Variants in TTC13 observed in about 807,000 individuals in gnomAD.
TTC13 encodes the protein tetratricopeptide repeat domain 13, also known as tetratricopeptide repeat protein 13.
TTC13 carries 62 observed loss-of-function variants against 120.0 expected under a neutral mutation model. The observed-to-expected ratio is 0.52, with a 90% CI of 0.42 to 0.64. TTC13 has a LOEUF of 0.64. TTC13 is among the 30% of genes least tolerant of loss of function. TTC13 has a pLI of 0.00. For missense variants in TTC13, 824 were observed against 1,050.2 expected, an observed-to-expected ratio of 0.78 and a Z score of 2.98; for synonymous variants, 384 against 393.5, an observed-to-expected ratio of 0.98 and a Z score of 0.28.
intron 1 of TTC13, among the ~76,000 whole-genome samples, chr1:230,973,164 T>G (rs1314137169): frequency 6.6e-6 from 1 of 152,206 alleles, no homozygotes; most frequent in African/African-American, 2.4e-5. Flanking sequence ...GAGCACAAAA[T>G]GTGGTTCTTA....
intron 1 of TTC13, among the ~76,000 whole-genome samples, chr1:230,962,781 C>T (rs956048370): frequency 6.6e-6 from 1 of 152,184 alleles, no homozygotes; most frequent in African/African-American, 2.4e-5. Context: ...CTGATACACA[C>T]TGCAACGTGG....
At chr1:230,911,598 A>G (rs1671513088) in intron 19 of TTC13, 49 bp from the exon 20 acceptor site, 1 of 1,239,280 alleles carries the variant, frequency 8.1e-7, no homozygotes, top group Non-Finnish European at 1.1e-6. Flanking sequence ...ATTACAAACT[A>G]ATTTTTCATT....
At chr1:230,957,782 C>G (rs965274276) in intron 3 of TTC13, among the ~76,000 whole-genome samples, 2 of 151,956 alleles carry the variant, frequency 1.3e-5, no homozygotes, top group African/African-American at 4.8e-5. Flanking sequence ...AATTTTTCTA[C>G]ACCCACATTC....
At chr1:230,922,415 T>C (rs1200738012) in intron 15 of TTC13, among the ~76,000 whole-genome samples, 1 of 152,198 alleles carries the variant, frequency 6.6e-6, no homozygotes, top group Non-Finnish European at 1.5e-5. Flanking sequence ...CCAATCTATT[T>C]TGCCATCTTC....
intron 16 of TTC13, 59 bp downstream of exon 16, chr1:230,921,362 A>G (rs1411228744): frequency 2.1e-5 from 22 of 1,051,458 alleles, no homozygotes; most frequent in Non-Finnish European, 2.8e-5. Context: ...CAAAAATATA[A>G]CAAATATAAA....
At chr1:230,956,507 C>T in intron 3 of TTC13, 1 of 358,140 alleles carries the variant, frequency 2.8e-6, no homozygotes, top group Non-Finnish European at 5.3e-6. Flanking sequence ...CTTAAAGTTT[C>T]CTTTCAAATC....
chr1:230,950,255 T>C (rs1351817306), intron 4 of TTC13, among the ~76,000 whole-genome samples: 13 of 151,938 alleles, frequency 8.6e-5, no homozygotes, highest in Admixed American at 8.5e-4. Context: ...TATTTATACT[T>C]TATAAAGTTT....
chr1:230,911,537 C>A lies in TTC13; in HGVS notation c.2242G>T (p.Val748Phe). Residue 748 changes from valine to phenylalanine, a missense_variant, in exon 20 of 23, where the codon GTC (valine) becomes TTC (phenylalanine). Val to Phe is a conservative substitution (Grantham distance 50, BLOSUM62 -1). This residue lies in a region of TTC13 where 226 missense variants were observed against 259.1 expected (regional missense o/e 0.87). Coordinates refer to ENST00000366661, the MANE Select transcript of TTC13 (RefSeq NM_024525.5). ...LSSEFGEADA[V>F]CNLILSLVYY... ...ACTAAGGATAAGATTAAGTTGCAGA[C>A]AGCATCAGCCTCCTAGAAAAAAAAG... 6.3e-7 allele frequency: 1 copy of A among 1,586,504 alleles called. No homozygotes were observed. The highest frequency in any genetic ancestry group is 2.3e-5 in the East Asian group (1 of 43,842).
Position 230,912,743 on chromosome 1 carries a change from T to C in TTC13, c.2109A>G (p.Leu703=), listed in dbSNP as rs1442267017. ...CCGTGGTTTGAGTTTCCACAGAAAA[T>C]AATATATTGCCAACTCTGAAAATAC... The part of the protein sequence containing the change: ...TITGDKVGNI[L]FSVETQTTEE... Residue 703 remains leucine (L), a synonymous_variant, in exon 19 of 23, where the codon TTA becomes TTG. Coordinates refer to ENST00000366661, the MANE Select transcript of TTC13 (RefSeq NM_024525.5). 2 of 1,611,218 alleles carry C rather than the reference T, an allele frequency of 1.2e-6. No individual in the cohort carries two copies. The highest frequency in any genetic ancestry group is 1.7e-5 in the Admixed American group (1 of 59,562).
chr1:230,925,040 G>A lies in TTC13; in HGVS notation c.1589-67C>T, dbSNP rs1672937176. 15 of 1,584,980 alleles carry A rather than the reference G, an allele frequency of 9.5e-6. No individual in the cohort carries two copies. In the Admixed American group the frequency reaches 2.2e-4, roughly 23 times the overall value. Reference sequence around the variant, plus strand: ...GGGACTGAGTTCCACCTACTTTACAGAGTCTCAGTGATAACTCAAGAGTTA... The same window carrying A: ...GGGACTGAGTTCCACCTACTTTACAAAGTCTCAGTGATAACTCAAGAGTTA... On this transcript the variant is annotated intron_variant, in intron 13 of 22. Transcript: ENST00000366661.
At chr1:230,914,405 T>C (rs553559620) in intron 18 of TTC13, among the ~76,000 whole-genome samples, 14 of 152,256 alleles carry the variant, frequency 9.2e-5, no homozygotes, top group African/African-American at 2.9e-4. Context: ...TTCTTTTTTT[T>C]TCTCTTTTTG....
chr1:230,968,192 G>A (rs1488811176), intron 1 of TTC13, among the ~76,000 whole-genome samples: 1 of 137,830 alleles, frequency 7.3e-6, no homozygotes, highest in African/African-American at 2.6e-5. Context: ...GGTGGGGGGG[G>A]GGCCTTTTTG....
At chr1:230,973,411 T>C (rs956985942) in intron 1 of TTC13, among the ~76,000 whole-genome samples, 4 of 152,234 alleles carry the variant, frequency 2.6e-5, no homozygotes, top group South Asian at 2.1e-4. Flanking sequence ...TTTCTGGCAG[T>C]TCACAATTCT....
chr1:230,961,122 T>C (rs1676597352), intron 2 of TTC13, 87 bp downstream of exon 2: 2 of 977,456 alleles, frequency 2.0e-6, no homozygotes, highest in South Asian at 1.5e-5. Context: ...GCCCAACTTC[T>C]AGTTGACAGA....
chr1:230,947,739 T>C (rs890604324), intron 4 of TTC13, among the ~76,000 whole-genome samples: 1 of 152,134 alleles, frequency 6.6e-6, no homozygotes, highest in Non-Finnish European at 1.5e-5. Flanking sequence ...AAATATATTA[T>C]CCAAGCTGCT....
Position 230,907,529 on chromosome 1 carries a change from C to T in TTC13, c.2469-510G>A, listed in dbSNP as rs116650584. ...TTAAAGAATTGTCAAAAGATTCACA[C>T]TGTACAATTATGTAAGAATAGAAGC... On this transcript the variant is annotated intron_variant, in intron 22 of 22. Transcript: ENST00000366661. Among the ~76,000 whole-genome samples the T allele has an allele frequency of 3.7e-3, 559 of 152,360 alleles. 2 individuals carry two copies. Among genetic ancestry groups the T allele is most frequent in the African/African-American group, 0.013 (539 of 41,588 alleles).
chr1:230,916,080 T>C (rs1671995310), intron 18 of TTC13, 113 bp downstream of exon 18: 4 of 795,598 alleles, frequency 5.0e-6, no homozygotes, highest in Middle Eastern at 2.3e-4. Context: ...TTGATACTTT[T>C]CATTTCAGGA....
intron 8 of TTC13, among the ~76,000 whole-genome samples, chr1:230,934,085 C>T (rs1673817575): frequency 6.6e-6 from 1 of 152,084 alleles, no homozygotes; most frequent in African/African-American, 2.4e-5. Flanking sequence ...TAAATTTCTC[C>T]CCTTTACAAT....
In TTC13 at chr1:230,944,184, A is replaced by G. The variant is rs1253817025; in HGVS notation, c.580-286T>C. Among the ~76,000 whole-genome samples the G allele has an allele frequency of 6.6e-6, 1 of 152,188 alleles. No individual in the cohort carries two copies. Among genetic ancestry groups the G allele is most frequent in the East Asian group, 1.9e-4 (1 of 5,196 alleles). On this transcript the variant is annotated intron_variant, in intron 5 of 22. Coordinates refer to ENST00000366661, the MANE Select transcript of TTC13 (RefSeq NM_024525.5). This position sits in a 1 kb window ranked among gnomAD's most constrained non-coding sequence, Gnocchi z 4.0. ...TTATCTAAACTTAATCTACTTAAAC[A>G]TGGAATCAACGAATCTCAATGGATG...
Sources: gnomAD v4.1 joint callset for allele counts (sites outside exome capture counted in the v4.1 genomes callset) on GRCh38, gnomAD v4.1.1 for gene constraint, gnomAD v4.1.1 regional missense constraint, Gnocchi (gnomAD v3.1) non-coding constraint, MANE v1.5 for transcripts, NCBI Gene and HGNC (gene_info 2026-07-23, HGNC 2026-07-21) for gene names.